SYNE2: variants seen among roughly 807,000 people sequenced by gnomAD.
SYNE2 encodes the protein spectrin repeat containing nuclear envelope protein 2.
In SYNE2, 431 loss-of-function variants were observed where a neutral mutation model predicts 856.3. The ratio of observed to expected loss-of-function variants is 0.50; its 90% CI spans 0.47 to 0.55. The LOEUF (loss-of-function observed/expected upper bound fraction) is 0.55, where lower values mean the gene tolerates loss of function less well. SYNE2 is among the 20% of genes least tolerant of loss of function. The probability of loss-of-function intolerance (pLI) is 0.00; values close to 1 mark genes in which losing one functional copy is unlikely to be tolerated. For missense variants in SYNE2, 8,129 were observed against 8,023.2 expected (o/e 1.01, Z -0.50); for synonymous variants, 2,923 against 2,872.3 (o/e 1.02, Z -0.56).
chr14:64,159,177 A>T, intron 86 of SYNE2, 135 bp from the exon 87 acceptor site: 1 of 1,233,348 alleles, frequency 8.1e-7, no homozygotes. Context: ...TGTTTTCTTC[A>T]CATTCCTAAT....
At position 64,168,410 on chromosome 14, in the gene SYNE2, C is replaced by G. The variant is rs111329088; in HGVS notation, c.16906-467C>G. ...CACATTTCAAAAGTGTGCAGAATTA[C>G]TTCACTGCAACTTTTTAATGTAACT... On this transcript the variant is annotated intron_variant, in intron 92 of 115. Transcript: ENST00000555002. Among the ~76,000 whole-genome samples the G allele has an allele frequency of 9.1e-4, 138 of 152,302 alleles. 2 individuals are homozygous for G. Among genetic ancestry groups the G allele is most frequent in the Middle Eastern group, 3.4e-3 (1 of 294 alleles).
At chr14:63,875,580 G>C (rs573468430) in intron 1 of SYNE2, among the ~76,000 whole-genome samples, 1 of 151,898 alleles carries the variant, frequency 6.6e-6, no homozygotes, top group Non-Finnish European at 1.5e-5. Context: ...TGGAAACAGA[G>C]ACCTTTATGG....
At chr14:63,967,883 C>T (rs1340298449) in intron 11 of SYNE2, 37 bp downstream of exon 11, 1 of 1,609,788 alleles carries the variant, frequency 6.2e-7, no homozygotes, top group South Asian at 1.1e-5. Flanking sequence ...TATTTTCAGG[C>T]CAAAAGCAGT....
intron 88 of SYNE2, 110 bp downstream of exon 88, chr14:64,162,386 A>G: frequency 8.5e-7 from 1 of 1,180,964 alleles, no homozygotes; most frequent in South Asian, 1.3e-5. Flanking sequence ...AGTAGTCAGG[A>G]CAGGTGCTGT....
At chr14:64,097,447 T>C (rs1439606869) in intron 61 of SYNE2, among the ~76,000 whole-genome samples, 5 of 152,244 alleles carry the variant, frequency 3.3e-5, no homozygotes, top group African/African-American at 9.6e-5. Flanking sequence ...GTTAGTCTGC[T>C]TAAGAATTTC....
chr14:64,113,675 T>A, intron 66 of SYNE2, 104 bp downstream of exon 66: 1 of 1,232,044 alleles, frequency 8.1e-7, no homozygotes, highest in Admixed American at 2.0e-5. Context: ...TCTGTTACTC[T>A]GACCCTTACA....
chr14:64,074,172 C>G (rs900487843), intron 53 of SYNE2, 36 bp downstream of exon 53: 1 of 1,597,624 alleles, frequency 6.3e-7, no homozygotes, highest in Admixed American at 1.7e-5. Context: ...GTGGCAGGTA[C>G]AGGCCCACAG....
intron 41 of SYNE2, 46 bp from the exon 42 acceptor site, chr14:64,026,533 C>T: frequency 6.8e-7 from 1 of 1,476,786 alleles, no homozygotes; most frequent in South Asian, 1.2e-5. Context: ...TGTAGTATCT[C>T]TAAGTAATGC....
At position 64,072,052 on chromosome 14, in the gene SYNE2, A is replaced by G. The variant is rs116138771; in HGVS notation, c.10697+1142A>G. Reference sequence around the variant, plus strand: ...GTAACTAGCTGTATAATATTCTACCATGAAGATATGCCATAATGTGTTAAA... The same window carrying G: ...GTAACTAGCTGTATAATATTCTACCGTGAAGATATGCCATAATGTGTTAAA... On this transcript the variant is annotated intron_variant, in intron 52 of 115. Coordinates refer to ENST00000555002, the MANE Select transcript of SYNE2 (RefSeq NM_182914.3). Among the ~76,000 whole-genome samples the G allele has an allele frequency of 6.3e-3, 964 of 152,338 alleles. 8 individuals are homozygous for G. The highest frequency in any genetic ancestry group is 0.022 in the African/African-American group (907 of 41,570).
At chr14:63,925,520 T>C (rs2095653388) in intron 2 of SYNE2, among the ~76,000 whole-genome samples, 1 of 152,224 alleles carries the variant, frequency 6.6e-6, no homozygotes, top group Non-Finnish European at 1.5e-5. Context: ...AGTTATACTC[T>C]GTAAGTTATT....
intron 49 of SYNE2, among the ~76,000 whole-genome samples, chr14:64,062,265 A>T (rs577192583): frequency 6.6e-6 from 1 of 152,114 alleles, no homozygotes; most frequent in Non-Finnish European, 1.5e-5. Context: ...AGGGTATTCC[A>T]ATGTGTGATG....
chr14:64,032,566 T>TTTGTTGTTGTTGTTGTTGTTGTTG (rs57794503), intron 45 of SYNE2, among the ~76,000 whole-genome samples: 19 of 149,748 alleles, frequency 1.3e-4, no homozygotes, highest in African/African-American at 4.0e-4. Flanking sequence ...TATCTCTAAT[T>TTTGTTGTTGTTGTTGTTGTTGTTG]TTGTTGTTGT....
chr14:63,775,512 G>C (rs1410588298), intron 1 of SYNE2, among the ~76,000 whole-genome samples: 2 of 152,102 alleles, frequency 1.3e-5, no homozygotes, highest in African/African-American at 4.8e-5. Context: ...CTGACTTCAG[G>C]TGATCTACCT....
In SYNE2 at chr14:63,996,948, C is replaced by A. The variant is rs1466945953; in HGVS notation, c.2942C>A (p.Ala981Asp). Reference protein sequence around the residue: ...RTKGLIKEHEACFSEEGCLYQ... With the variant: ...RTKGLIKEHEDCFSEEGCLYQ... ...TTCCTGCTTTATTTCTTCAATTAGG[C>A]CTGCTTTTCTGAGGAAGGCTGCCTG... The change falls in exon 24 of 116, where the codon GCC (alanine) becomes GAC (aspartate). Residue 981 changes from alanine to aspartate, a missense_variant and splice_region_variant. Coordinates refer to ENST00000555002, the MANE Select transcript of SYNE2 (RefSeq NM_182914.3). 4 of 1,613,854 alleles carry A rather than the reference C, an allele frequency of 2.5e-6. No homozygotes were observed. The Admixed American group carries it at 5.0e-5, about 20-fold the overall frequency.
chr14:63,848,843 G>T (rs1358562717), upstream of SYNE2, among the ~76,000 whole-genome samples: 2 of 152,186 alleles, frequency 1.3e-5, no homozygotes, highest in Non-Finnish European at 2.9e-5. Context: ...TCCACGCTTG[G>T]CACTTCACGT....
At chr14:64,139,775 C>G (rs566630172) in intron 79 of SYNE2, among the ~76,000 whole-genome samples, 166 bp from the exon 80 acceptor site, 8 of 152,236 alleles carry the variant, frequency 5.3e-5, no homozygotes, top group Non-Finnish European at 8.8e-5. Flanking sequence ...CCAGGAGCAT[C>G]ATGGTATAAA....
rs1596143819 is a variant in SYNE2 at position 64,195,744 on chromosome 14, A to G, written c.18038+5507A>G. On this transcript the variant is annotated intron_variant, in intron 99 of 115. Transcript: ENST00000555002. ...TAAAGCTTTTCATTGCTCTCCTTTT[A>G]TCTGTATTTTCTCAAGGTTTTCTGG... 2.0e-5 allele frequency among the ~76,000 whole-genome samples: 3 copies of G among 152,234 alleles called. No individual in the cohort carries two copies. The South Asian group carries it at 6.2e-4, about 32-fold the overall frequency.
intron 1 of SYNE2, among the ~76,000 whole-genome samples, chr14:63,889,211 A>G (rs1007727025): frequency 4.6e-5 from 7 of 151,588 alleles, no homozygotes; most frequent in African/African-American, 1.7e-4. Flanking sequence ...CTCTTTTATT[A>G]TAGTACAAAA....
chr14:63,761,681 A>C (rs544757132), upstream of SYNE2, among the ~76,000 whole-genome samples: 1 of 152,330 alleles, frequency 6.6e-6, no homozygotes, highest in East Asian at 1.9e-4. Context: ...GAAAGGCAGA[A>C]ATGTCCTTTT....
Sources: gnomAD v4.1 joint callset for allele counts (sites outside exome capture counted in the v4.1 genomes callset) on GRCh38, gnomAD v4.1.1 for gene constraint, MANE v1.5 for transcripts, NCBI Gene and HGNC (gene_info 2026-07-23, HGNC 2026-07-21) for gene names.